Variants in ADAMTS16 observed in about 807,000 individuals in gnomAD.
ADAMTS16 encodes A disintegrin and metalloproteinase with thrombospondin motifs 16.
ADAMTS16 carries 94 observed loss-of-function variants against 145.8 expected under a neutral mutation model. The ratio of observed to expected loss-of-function variants is 0.64; its 90% confidence interval spans 0.55 to 0.77. ADAMTS16 has a LOEUF of 0.77. Ranked by LOEUF, ADAMTS16 falls within the 30% of genes least tolerant of loss-of-function variation. The pLI is 0.00. For synonymous variants in ADAMTS16, 659 were observed against 604.3 expected, an observed-to-expected ratio of 1.09 and a Z score of -1.33; for missense variants, 1,585 against 1,591.5, an observed-to-expected ratio of 1.00 and a Z score of 0.07.
chr5:5,157,093 CT>C (rs1734622900), intron 3 of ADAMTS16, among the ~76,000 whole-genome samples: 2 of 151,662 alleles, frequency 1.3e-5, no homozygotes, highest in Admixed American at 1.3e-4. Flanking sequence ...TTTTTCACTA[CT>C]TAAGAGTTTA....
chr5:5,276,006 G>C (rs1047128847), intron 18 of ADAMTS16, among the ~76,000 whole-genome samples: 10 of 152,074 alleles, frequency 6.6e-5, no homozygotes, highest in African/African-American at 2.4e-4. Context: ...TTACAGGCAT[G>C]CACCATCATG....
At chr5:5,164,244 C>T (rs1734808609) in intron 3 of ADAMTS16, among the ~76,000 whole-genome samples, 1 of 152,184 alleles carries the variant, frequency 6.6e-6, no homozygotes, top group South Asian at 2.1e-4. Context: ...TTCGGGCTGC[C>T]CTGTGCAGTG....
intron 6 of ADAMTS16, 73 bp from the exon 7 acceptor site, chr5:5,189,898 C>A: frequency 6.4e-7 from 1 of 1,559,926 alleles, no homozygotes; most frequent in Non-Finnish European, 8.7e-7. Flanking sequence ...TAATAGTTTG[C>A]TGTGATGACA....
Position 5,239,196 on chromosome 5 carries a change from G to T in ADAMTS16, c.2200G>T (p.Val734Phe), listed in dbSNP as rs68077031. Residue 734 changes from valine (V) to phenylalanine (F), a missense_variant, in exon 15 of 23, where the codon GTC (valine) becomes TTC (phenylalanine). Around this residue, in one of 3 missense-constraint regions of ADAMTS16, gnomAD observed 834 missense variants for 811.7 expected, o/e 1.03. Coordinates refer to ENST00000274181, the MANE Select transcript of ADAMTS16 (RefSeq NM_139056.4). Reference sequence around the variant, plus strand: ...CCTTGGATCTGATGCTGTTGAAGACGTCTGTGGGGTGTGTAACGGGAATAA... The same window carrying T: ...CCTTGGATCTGATGCTGTTGAAGACTTCTGTGGGGTGTGTAACGGGAATAA... ...NVLGSDAVEDVCGVCNGNNSA... is the reference protein window; with the variant it reads ...NVLGSDAVEDFCGVCNGNNSA... The T allele has an allele frequency of 1.9e-6, 3 of 1,600,196 alleles. No individual in the cohort carries two copies. The African/African-American group carries it at 4.0e-5, about 22-fold the overall frequency.
At chr5:5,314,590 A>C (rs7721079) in intron 21 of ADAMTS16, among the ~76,000 whole-genome samples, 54,693 of 152,056 alleles carry the variant, frequency 0.36, 10,141 homozygotes, top group East Asian at 0.49. Flanking sequence ...CACCATCTTT[A>C]TCCATTCAAA....
rs778264471 is a variant in ADAMTS16 at position 5,303,771 on chromosome 5, G to T, written c.3186+5G>T. The T allele has an allele frequency of 5.6e-6, 9 of 1,612,244 alleles. No homozygotes were observed. The highest frequency in any genetic ancestry group is 7.6e-6 in the Non-Finnish European group (9 of 1,179,482). ...CTGGTGTCCGCCTGGTCCCAGGTAG[G>T]TGCACTGGTCTCGCGGGAGCGAGGT... On this transcript the variant is annotated splice_donor_5th_base_variant and intron_variant, in intron 20 of 22. Transcript: ENST00000274181.
intron 9 of ADAMTS16, among the ~76,000 whole-genome samples, chr5:5,207,978 CTTTCT>C (rs1485555154): frequency 6.6e-6 from 1 of 152,038 alleles, no homozygotes; most frequent in East Asian, 1.9e-4. Flanking sequence ...ATAAGAAAAG[CTTTCT>C]TTTCTTGTAC....
intron 3 of ADAMTS16, among the ~76,000 whole-genome samples, chr5:5,161,842 G>T (rs2126527788): frequency 6.6e-6 from 1 of 152,186 alleles, no homozygotes; most frequent in South Asian, 2.1e-4. Flanking sequence ...TGGTTCTTCT[G>T]CTCCCTGTAA....
rs541114391 is a variant in ADAMTS16 at position 5,214,778 on chromosome 5, A to T, written c.1605+5532A>T. Among the ~76,000 whole-genome samples, 64 of 152,306 alleles carry T rather than the reference A, an allele frequency of 4.2e-4. 1 individual carries two copies. Among genetic ancestry groups the T allele is most frequent in the African/African-American group, 1.2e-3 (51 of 41,576 alleles). ...CAGACACCAAATCTCAAAATTACATATGGTGTGGCAATTAGAGATTTTTAA... is the reference window on the plus strand; with the variant it reads ...CAGACACCAAATCTCAAAATTACATTTGGTGTGGCAATTAGAGATTTTTAA... On this transcript the variant is annotated intron_variant, in intron 10 of 22. Transcript: ENST00000274181.
chr5:5,222,163 C>A (rs568630795), intron 10 of ADAMTS16, among the ~76,000 whole-genome samples: 1 of 152,120 alleles, frequency 6.6e-6, no homozygotes, highest in Non-Finnish European at 1.5e-5. Flanking sequence ...TTTCTGTATG[C>A]GCCAAATGGT....
chr5:5,154,176 A>G (rs972477844), intron 3 of ADAMTS16, among the ~76,000 whole-genome samples: 2 of 152,232 alleles, frequency 1.3e-5, no homozygotes, highest in Non-Finnish European at 2.9e-5. Flanking sequence ...TGATCAGAAG[A>G]GATACTATGA....
intron 3 of ADAMTS16, among the ~76,000 whole-genome samples, chr5:5,150,242 G>C (rs1734413336): frequency 6.6e-6 from 1 of 152,168 alleles, no homozygotes; most frequent in South Asian, 2.1e-4. Flanking sequence ...GTACGAAGTA[G>C]TATCCTTTGT....
chr5:5,294,124 C>G (rs2126494875), intron 18 of ADAMTS16, among the ~76,000 whole-genome samples: 1 of 152,312 alleles, frequency 6.6e-6, no homozygotes, highest in Admixed American at 6.5e-5. Flanking sequence ...CTTTTATCAA[C>G]TCAGACTTAG....
At chr5:5,256,469 A>G (rs1737787390) in intron 17 of ADAMTS16, among the ~76,000 whole-genome samples, 2 of 152,200 alleles carry the variant, frequency 1.3e-5, no homozygotes, top group Non-Finnish European at 2.9e-5. Context: ...TTTTTACTAC[A>G]TTGTTACTAA....
chr5:5,240,680 C>A (rs1737261324), intron 16 of ADAMTS16, among the ~76,000 whole-genome samples: 1 of 152,148 alleles, frequency 6.6e-6, no homozygotes, highest in South Asian at 2.1e-4. Flanking sequence ...GCCGCCCTAT[C>A]CCATCCTCTT....
At chr5:5,180,977 T>A (rs1315180366) in intron 3 of ADAMTS16, among the ~76,000 whole-genome samples, 2 of 152,196 alleles carry the variant, frequency 1.3e-5, no homozygotes, top group African/African-American at 2.4e-5. Context: ...AACTCTAACT[T>A]TTAGTGGTTA....
chr5:5,166,380 G>A (rs1033357312), intron 3 of ADAMTS16, among the ~76,000 whole-genome samples: 2 of 152,152 alleles, frequency 1.3e-5, no homozygotes, highest in African/African-American at 2.4e-5. Flanking sequence ...CTGGCTATCC[G>A]ATGACCACTG....
At chr5:5,277,265 G>A (rs1269262795) in intron 18 of ADAMTS16, among the ~76,000 whole-genome samples, 8 of 152,164 alleles carry the variant, frequency 5.3e-5, no homozygotes, top group African/African-American at 1.7e-4. Flanking sequence ...CATTCACCAA[G>A]ACAGCTTTTA....
chr5:5,242,790 C>G (rs1024704532), intron 17 of ADAMTS16, among the ~76,000 whole-genome samples: 2 of 152,210 alleles, frequency 1.3e-5, no homozygotes, highest in Non-Finnish European at 2.9e-5. Context: ...ATCGGTAAAG[C>G]TACTTCCACT....
Sources: gnomAD v4.1 joint callset for allele counts (sites outside exome capture counted in the v4.1 genomes callset) on GRCh38, gnomAD v4.1.1 for gene constraint, gnomAD v4.1.1 regional missense constraint, MANE v1.5 for transcripts, NCBI Gene and HGNC (gene_info 2026-07-23, HGNC 2026-07-21) for gene names.